HSP90AB1: variants seen among roughly 807,000 people sequenced by gnomAD.
HSP90AB1 encodes the protein heat shock protein HSP 90-beta.
Under a neutral mutation model 67.8 loss-of-function variants are expected in HSP90AB1, and 17 were observed. The observed-to-expected ratio is 0.25, with a 90% CI of 0.17 to 0.38. The LOEUF is 0.38. Among genes scored for constraint, HSP90AB1 ranks in the 10% least tolerant of loss-of-function variants. The pLI is 1.00. For synonymous variants in HSP90AB1, 390 were observed against 312.9 expected (o/e 1.25, Z -2.60); for missense variants, 690 against 899.9 (o/e 0.77, Z 2.98).
intron 10 of HSP90AB1, among the ~76,000 whole-genome samples, chr6:44,252,535 A>G (rs34759487): frequency 0.02 from 2,960 of 151,760 alleles, 51 homozygotes; most frequent in African/African-American, 0.045. Context: ...TCGCTCTGTC[A>G]CCCAGGCTGG....
rs756172334 is a variant in HSP90AB1, at chr6:44,252,041, G to A, written c.1505G>A (p.Arg502Gln). The change falls in exon 10 of 12, where the codon CGA becomes CAA. Residue 502 changes from arginine (R) to glutamine (Q), a missense_variant. Arg to Gln is a conservative substitution (Grantham distance 43). Coordinates refer to ENST00000371646, the MANE Select transcript of HSP90AB1 (RefSeq NM_007355.4). ...GTGGCCAACTCAGCTTTTGTGGAGCGAGTGCGGAAACGGGGCTTCGAGGTG... is the reference window on the plus strand; with the variant it reads ...GTGGCCAACTCAGCTTTTGTGGAGCAAGTGCGGAAACGGGGCTTCGAGGTG... ...EQVANSAFVE[R>Q]VRKRGFEVVY... 6.2e-6 allele frequency: 10 copies of A among 1,614,186 alleles called. No homozygotes were observed. The highest frequency in any genetic ancestry group is 2.2e-5 in the East Asian group (1 of 44,888).
At chr6:44,251,932 T>C (rs1034045710) in intron 9 of HSP90AB1, 48 bp downstream of exon 9, 19 of 1,613,232 alleles carry the variant, frequency 1.2e-5, no homozygotes, top group Non-Finnish European at 1.4e-5. Context: ...GGGAGCACAA[T>C]TAGGGCTTCC....
At chr6:44,247,406 C>G (rs1176092652) in intron 1 of HSP90AB1, among the ~76,000 whole-genome samples, 1 of 152,046 alleles carries the variant, frequency 6.6e-6, no homozygotes, top group African/African-American at 2.4e-5. Context: ...GGGGCTTTCT[C>G]TCGGCGCCTG....
In HSP90AB1 at chr6:44,251,845, C is replaced by T. The variant is rs745798614; in HGVS notation, c.1423C>T (p.Arg475Cys). The T allele has an allele frequency of 1.9e-6, 3 of 1,612,840 alleles. No homozygotes were observed. Among genetic ancestry groups the T allele is most frequent in the African/African-American group, 1.3e-5 (1 of 74,884 alleles). ...GACATCTCTGTCAGAGTATGTTTCT[C>T]GCATGAAGGAGACACAGAAGTCCAT... Reference protein sequence around the residue: ...EMTSLSEYVSRMKETQKSIYY... With the variant: ...EMTSLSEYVSCMKETQKSIYY... Residue 475 changes from arginine (R) to cysteine (C), a missense_variant, in exon 9 of 12, where the codon CGC (arginine) becomes TGC (cysteine). This residue lies in a region of HSP90AB1 where 206 missense variants were observed against 221.4 expected (regional missense o/e 0.93). Coordinates refer to ENST00000371646, the MANE Select transcript of HSP90AB1 (RefSeq NM_007355.4).
chr6:44,251,357 C>T (rs554368007), intron 7 of HSP90AB1, 61 bp from the exon 8 acceptor site: 5 of 1,551,252 alleles, frequency 3.2e-6, no homozygotes, highest in Non-Finnish European at 3.5e-6. Context: ...CTGTTTGAAT[C>T]TGGGGACCAG....
intron 1 of HSP90AB1, among the ~76,000 whole-genome samples, chr6:44,247,402 TTCTC>T (rs1319937492): frequency 6.6e-6 from 1 of 152,074 alleles, no homozygotes; most frequent in South Asian, 2.1e-4. Flanking sequence ...GGGTGGGGCT[TTCTC>T]TCGGCGCCTG....
chr6:44,248,613 T>A lies in HSP90AB1; in HGVS notation c.1-17T>A. 1 of 1,586,096 alleles carries A rather than the reference T, an allele frequency of 6.3e-7. No homozygotes were observed. Among genetic ancestry groups the A allele is most frequent in the Non-Finnish European group, 8.6e-7 (1 of 1,165,162 alleles). ...GGCCTTAGTGTTCTTTTGTAATTAA[T>A]GAGATTTTTATTTTAGATGCCTGAG... On this transcript the variant is annotated splice_polypyrimidine_tract_variant and intron_variant, in intron 1 of 11. Transcript: ENST00000371646.
At position 44,253,689 on chromosome 6, in the gene HSP90AB1, T is replaced by C. The variant is rs778731073; in HGVS notation, c.*91T>C. The C allele has an allele frequency of 5.6e-5, 52 of 927,142 alleles. No homozygotes were observed. The highest frequency in any genetic ancestry group is 2.1e-4 in the Middle Eastern group (1 of 4,750). 57.4% of individuals were successfully genotyped at this position (927,142 alleles called of 1,614,324 possible). On this transcript the variant is annotated 3_prime_UTR_variant, in exon 12 of 12. Transcript: ENST00000371646. ...CTCGAGTGCCCCTGTCCCACCTGGC[T>C]CCCCCTGCTGGTGTCTAGTGTTTTT...
chr6:44,250,720 C>A, intron 6 of HSP90AB1, 121 bp downstream of exon 6: 1 of 660,060 alleles, frequency 1.5e-6, no homozygotes, highest in East Asian at 2.7e-5. Flanking sequence ...ATGTGATAGC[C>A]ATGTGATTTC....
In HSP90AB1 at chr6:44,253,822, A is replaced by C; in HGVS notation, c.*224A>C. 1.3e-6 allele frequency: 1 copy of C among 754,888 alleles called. No individual in the cohort carries two copies. The highest frequency in any genetic ancestry group is 2.5e-6 in the Non-Finnish European group (1 of 403,048). The allele number at this position is 754,888 out of a possible 1,614,324, so 46.8% of individuals were successfully genotyped here. A position where few individuals can be genotyped will look rare whatever the true frequency, so the allele number is the denominator to read the frequency against. Reference sequence around the variant, plus strand: ...GATGTTGTGTATTGTGGTTTATTTTATTTTCTTCATTTTGTTCTGAAATTA... The same window carrying C: ...GATGTTGTGTATTGTGGTTTATTTTCTTTTCTTCATTTTGTTCTGAAATTA... On this transcript the variant is annotated 3_prime_UTR_variant, in exon 12 of 12. Transcript: ENST00000371646.
chr6:44,247,226 C>G (rs1056017775), intron 1 of HSP90AB1, 31 bp downstream of exon 1: 1 of 152,232 alleles, frequency 6.6e-6, no homozygotes, highest in African/African-American at 2.4e-5. Context: ...AGGCTTCTTT[C>G]CCTTTAGTGC....
At position 44,251,718 on chromosome 6, in the gene HSP90AB1, C is replaced by A; in HGVS notation, c.1315-19C>A. On this transcript the variant is annotated intron_variant, in intron 8 of 11. Coordinates refer to ENST00000371646, the MANE Select transcript of HSP90AB1 (RefSeq NM_007355.4). ...ATTGTAGTTAAGCTGGATTGTTTTTCCTCTTCCCACCCTTCAAGCTTGGAA... is the reference window on the plus strand; with the variant it reads ...ATTGTAGTTAAGCTGGATTGTTTTTACTCTTCCCACCCTTCAAGCTTGGAA... The A allele has an allele frequency of 6.2e-7, 1 of 1,607,010 alleles. No individual in the cohort carries two copies. The highest frequency in any genetic ancestry group is 8.5e-7 in the Non-Finnish European group (1 of 1,176,456).
chr6:44,253,452 A>C (rs1321481005), intron 11 of HSP90AB1, 37 bp from the exon 12 acceptor site: 1 of 1,606,788 alleles, frequency 6.2e-7, no homozygotes, highest in South Asian at 1.1e-5. Flanking sequence ...ACTTAATGCT[A>C]TTTGGTCAAG....
At chr6:44,251,342 GC>G in intron 7 of HSP90AB1, 75 bp from the exon 8 acceptor site, 1 of 1,533,970 alleles carries the variant, frequency 6.5e-7, no homozygotes, top group Non-Finnish European at 9.0e-7. Flanking sequence ...GGCTATTAGA[GC>G]CTTCTGTTTG....
chr6:44,248,806 G>C, intron 2 of HSP90AB1, 30 bp downstream of exon 2: 3 of 1,515,496 alleles, frequency 2.0e-6, no homozygotes, highest in Middle Eastern at 1.7e-4. Context: ...CATTTGGCAT[G>C]GTTTTTTTTT....
At position 44,251,833 on chromosome 6, in the gene HSP90AB1, G is replaced by C; in HGVS notation, c.1411G>C (p.Glu471Gln). 6.2e-7 allele frequency: 1 copy of C among 1,613,014 alleles called. No homozygotes were observed. The highest frequency in any genetic ancestry group is 1.7e-5 in the Admixed American group (1 of 60,032). ...TGGAGATGAGATGACATCTCTGTCA[G>C]AGTATGTTTCTCGCATGAAGGAGAC... ...QSGDEMTSLSEYVSRMKETQK... is the reference protein window; with the variant it reads ...QSGDEMTSLSQYVSRMKETQK... The change falls in exon 9 of 12, where the codon GAG becomes CAG. Residue 471 changes from glutamate (E) to glutamine (Q), a missense_variant. Glu to Gln is a conservative substitution (Grantham distance 29, BLOSUM62 2). This residue lies in a region of HSP90AB1 where 206 missense variants were observed against 221.4 expected (regional missense o/e 0.93). Transcript: ENST00000371646.
At chr6:44,252,329 C>T in intron 10 of HSP90AB1, 62 bp downstream of exon 10, 13 of 1,483,522 alleles carry the variant, frequency 8.8e-6, no homozygotes, top group South Asian at 2.4e-5. Flanking sequence ...CCCTCACAAG[C>T]ATGTTTCTAT....
At chr6:44,251,670 C>A (rs1363892183) in intron 8 of HSP90AB1, 62 bp downstream of exon 8, 5 of 1,588,842 alleles carry the variant, frequency 3.1e-6, no homozygotes, top group Non-Finnish European at 3.4e-6. Context: ...ATAAATTATT[C>A]CATTCACATT....
Position 44,253,033 on chromosome 6 carries a change from G to A in HSP90AB1, c.1732-12G>A, listed in dbSNP as rs1189019004. The A allele has an allele frequency of 1.9e-6, 3 of 1,607,914 alleles. No homozygotes were observed. The highest frequency in any genetic ancestry group is 2.6e-6 in the Non-Finnish European group (3 of 1,174,822). ...GGTAATGTCAATCTAAGGCTTTTGT[G>A]ATCGTCCACAGGTGACAATCTCCAA... On this transcript the variant is annotated splice_polypyrimidine_tract_variant and intron_variant, in intron 10 of 11. Transcript: ENST00000371646.
Sources: gnomAD v4.1 joint callset for allele counts (sites outside exome capture counted in the v4.1 genomes callset) on GRCh38, gnomAD v4.1.1 for gene constraint, gnomAD v4.1.1 regional missense constraint, MANE v1.5 for transcripts, NCBI Gene and HGNC (gene_info 2026-07-23, HGNC 2026-07-21) for gene names.